The following SLC9C1 variants were observed in gnomAD, a reference collection of about 807,000 sequenced individuals.
The protein encoded by SLC9C1 is solute carrier family 9 member C1.
Under a neutral mutation model 140.9 loss-of-function variants are expected in SLC9C1, and 97 were observed. The ratio of observed to expected loss-of-function variants is 0.69; its 90% CI spans 0.58 to 0.82. SLC9C1 has a LOEUF of 0.82. Among genes scored for constraint, SLC9C1 ranks in the 40% least tolerant of loss-of-function variants. SLC9C1 has a pLI of 0.00. For missense variants in SLC9C1, 1,340 were observed against 1,389.3 expected (o/e 0.96, Z 0.56); for synonymous variants, 440 against 442.6 (o/e 0.99, Z 0.07).
chr3:112,230,746 G>A lies in SLC9C1; in HGVS notation c.1572+615C>T, dbSNP rs560821986. Among the ~76,000 whole-genome samples, 17 of 152,194 alleles carry A rather than the reference G, an allele frequency of 1.1e-4. No homozygotes were observed. The South Asian group carries it at 3.3e-3, about 30-fold the overall frequency. On this transcript the variant is annotated intron_variant, in intron 13 of 28. Transcript: ENST00000305815. ...AAGGGCCAATATGAACACCCTAAGA[G>A]GACAATTCATGGCAAATAGATCTTG...
At chr3:112,265,725 C>T (rs1576479273) in intron 8 of SLC9C1, among the ~76,000 whole-genome samples, 1 of 152,078 alleles carries the variant, frequency 6.6e-6, no homozygotes, top group East Asian at 1.9e-4. Flanking sequence ...GTCTTGCTTA[C>T]ATTTAGTGTG....
chr3:112,199,531 A>T, intron 19 of SLC9C1, 62 bp from the exon 20 acceptor site: 1 of 1,342,226 alleles, frequency 7.5e-7, no homozygotes, highest in African/African-American at 1.5e-5. Flanking sequence ...TTTTATGTGG[A>T]CAATAAGCTA....
At chr3:112,292,794 C>T (rs1369437530) in intron 1 of SLC9C1, among the ~76,000 whole-genome samples, 4 of 151,704 alleles carry the variant, frequency 2.6e-5, no homozygotes, top group Admixed American at 6.6e-5. Context: ...CTGCCCGCCT[C>T]GGCCTCCCAA....
chr3:112,211,680 G>T (rs368237740), intron 15 of SLC9C1, among the ~76,000 whole-genome samples: 1 of 152,228 alleles, frequency 6.6e-6, no homozygotes, highest in African/African-American at 2.4e-5. Flanking sequence ...CCATTGCTGA[G>T]GCTTGAGTAG....
intron 24 of SLC9C1, 21 bp downstream of exon 24, chr3:112,169,176 G>A (rs2077198124): frequency 6.2e-7 from 1 of 1,604,270 alleles, no homozygotes; most frequent in East Asian, 2.2e-5. Flanking sequence ...AGAAAGACAA[G>A]TTTATACAAG....
Position 112,200,800 on chromosome 3 carries a change from C to T in SLC9C1, c.2323-38G>A, listed in dbSNP as rs372042628. 19 of 1,551,970 alleles carry T rather than the reference C, an allele frequency of 1.2e-5. No homozygotes were observed. The African/African-American group carries it at 2.5e-4, about 20-fold the overall frequency. ...AGAAATGTTATCCCCATTGGAAAAACAGACTGTTATAAAATGTCCTTACAT... is the reference window on the plus strand; with the variant it reads ...AGAAATGTTATCCCCATTGGAAAAATAGACTGTTATAAAATGTCCTTACAT... On this transcript the variant is annotated intron_variant, in intron 18 of 28. Coordinates refer to ENST00000305815, the MANE Select transcript of SLC9C1 (RefSeq NM_183061.3).
intron 10 of SLC9C1, 59 bp from the exon 11 acceptor site, chr3:112,244,135 TA>T (rs1219700094): frequency 2.0e-6 from 2 of 1,007,520 alleles, no homozygotes; most frequent in African/African-American, 3.3e-5. Flanking sequence ...ATATAGCCTA[TA>T]TTTACCAATA....
intron 5 of SLC9C1, 106 bp from the exon 6 acceptor site, chr3:112,275,131 A>G (rs1158123775): frequency 4.2e-6 from 5 of 1,181,048 alleles, no homozygotes; most frequent in Non-Finnish European, 5.6e-6. Context: ...GGTCTTAGCT[A>G]TGGATTTACT....
chr3:112,239,705 TTAAA>T (rs2079089275), intron 12 of SLC9C1, 131 bp downstream of exon 12: 3 of 905,674 alleles, frequency 3.3e-6, no homozygotes, highest in Non-Finnish European at 4.8e-6. Flanking sequence ...TACTACTTTG[TTAAA>T]TAGAGTTATT....
At chr3:112,255,431 A>G (rs2079577952) in intron 10 of SLC9C1, among the ~76,000 whole-genome samples, 1 of 152,114 alleles carries the variant, frequency 6.6e-6, no homozygotes, top group Non-Finnish European at 1.5e-5. Context: ...CTAAAAAACT[A>G]CTCAAAACCA....
intron 20 of SLC9C1, among the ~76,000 whole-genome samples, chr3:112,188,201 T>C (rs1364603638): frequency 6.6e-6 from 1 of 152,186 alleles, no homozygotes; most frequent in African/African-American, 2.4e-5. Flanking sequence ...CAGGTGTAAT[T>C]GCTGGTTTAA....
chr3:112,204,484 T>G, intron 16 of SLC9C1, 81 bp from the exon 17 acceptor site: 1 of 1,432,036 alleles, frequency 7.0e-7, no homozygotes, highest in Non-Finnish European at 9.4e-7. Flanking sequence ...TTAAACATCA[T>G]GTTAGGCTTT....
chr3:112,180,883 G>A (rs1157918510), intron 21 of SLC9C1, among the ~76,000 whole-genome samples: 4 of 152,134 alleles, frequency 2.6e-5, no homozygotes, highest in Non-Finnish European at 4.4e-5. Context: ...AGCCTCCTGA[G>A]TAGCTGGGAT....
chr3:112,264,458 A>T (rs1374351696), intron 8 of SLC9C1, 115 bp from the exon 9 acceptor site: 3 of 489,896 alleles, frequency 6.1e-6, no homozygotes, highest in Non-Finnish European at 9.4e-6. Context: ...TGAATAAAAC[A>T]TTTACAAACA....
intron 23 of SLC9C1, among the ~76,000 whole-genome samples, chr3:112,176,204 C>T (rs2077333152): frequency 6.6e-6 from 1 of 152,172 alleles, no homozygotes; most frequent in Admixed American, 6.5e-5. Context: ...GCATGGGTTC[C>T]TGGGACTCCT....
intron 26 of SLC9C1, among the ~76,000 whole-genome samples, chr3:112,159,598 A>G (rs773927969): frequency 5.3e-5 from 8 of 151,982 alleles, no homozygotes; most frequent in Non-Finnish European, 1.2e-4. Context: ...GGTCTAGTTT[A>G]ACTCCAACGT....
intron 15 of SLC9C1, among the ~76,000 whole-genome samples, chr3:112,208,574 G>A (rs2078119148): frequency 6.6e-6 from 1 of 152,084 alleles, no homozygotes; most frequent in Admixed American, 6.6e-5. Flanking sequence ...CCTCTGTCTT[G>A]AGTCTAGTTT....
At chr3:112,245,860 A>G (rs1004607360) in intron 10 of SLC9C1, among the ~76,000 whole-genome samples, 2 of 152,176 alleles carry the variant, frequency 1.3e-5, no homozygotes, top group Admixed American at 6.6e-5. Flanking sequence ...GTGTCTCAAC[A>G]ATGCCATGTT....
chr3:112,184,998 G>A (rs2077505862), intron 20 of SLC9C1, among the ~76,000 whole-genome samples: 1 of 152,030 alleles, frequency 6.6e-6, no homozygotes. Context: ...GCCCAGGCTG[G>A]GGTACCCAGA....
Sources: gnomAD v4.1 joint callset for allele counts (sites outside exome capture counted in the v4.1 genomes callset) on GRCh38, gnomAD v4.1.1 for gene constraint, MANE v1.5 for transcripts, NCBI Gene and HGNC (gene_info 2026-07-23, HGNC 2026-07-21) for gene names.